Variants in MARCHF1 observed in about 807,000 individuals in gnomAD.
MARCHF1 encodes the protein membrane associated ring-CH-type finger 1, also known as E3 ubiquitin-protein ligase MARCHF1.
MARCHF1 carries 40 observed loss-of-function variants against 54.2 expected under a neutral mutation model. The observed-to-expected ratio is 0.74, with a 90% confidence interval of 0.57 to 0.96. The LOEUF is 0.96. Among genes scored for constraint, MARCHF1 ranks in the 40% least tolerant of loss-of-function variants. The pLI, the probability that MARCHF1 is intolerant of heterozygous loss-of-function variation, is 0.00. For synonymous variants in MARCHF1, 236 were observed against 236.3 expected (o/e 1.00, Z 0.01); for missense variants, 586 against 656.5 (o/e 0.89, Z 1.17).
At chr4:163,692,624 A>C in intron 5 of MARCHF1, among the ~76,000 whole-genome samples, 1 of 143,286 alleles carries the variant, frequency 7.0e-6, no homozygotes. Context: ...ATTTCAAGTA[A>C]TATAGAAAAC....
At chr4:163,774,891 A>G (rs1423334447) in intron 4 of MARCHF1, among the ~76,000 whole-genome samples, 1 of 152,138 alleles carries the variant, frequency 6.6e-6, no homozygotes, top group East Asian at 1.9e-4. Flanking sequence ...TTGAGACTTC[A>G]GTATGTTGGA....
At chr4:164,229,305 A>G (rs1010249031) in intron 1 of MARCHF1, among the ~76,000 whole-genome samples, 1 of 152,134 alleles carries the variant, frequency 6.6e-6, no homozygotes, top group East Asian at 1.9e-4. Flanking sequence ...GCAGCTTTGT[A>G]CCTTCCTTTG....
At chr4:164,184,048 A>G (rs753198046) in intron 1 of MARCHF1, among the ~76,000 whole-genome samples, 19 of 152,158 alleles carry the variant, frequency 1.2e-4, no homozygotes, top group Non-Finnish European at 2.4e-4. Flanking sequence ...TATGAAATCT[A>G]TAATTCCTTG....
intron 3 of MARCHF1, among the ~76,000 whole-genome samples, chr4:163,861,123 A>G (rs1051671738): frequency 3.3e-5 from 5 of 152,216 alleles, no homozygotes; most frequent in African/African-American, 1.2e-4. Context: ...GCTCTAAGAA[A>G]GTATCCACAA....
intron 1 of MARCHF1, among the ~76,000 whole-genome samples, chr4:164,378,998 C>G (rs1731282345): frequency 6.6e-6 from 1 of 152,320 alleles, no homozygotes; most frequent in South Asian, 2.1e-4. Flanking sequence ...CAGGCATGAG[C>G]CACTGCACCT....
intron 1 of MARCHF1, among the ~76,000 whole-genome samples, chr4:164,339,253 T>C (rs909211403): frequency 1.3e-5 from 2 of 152,060 alleles, no homozygotes; most frequent in African/African-American, 2.4e-5. Flanking sequence ...GAATATTCCA[T>C]CCAACAGCAG....
intron 4 of MARCHF1, among the ~76,000 whole-genome samples, chr4:163,734,401 C>T (rs1345067461): frequency 6.6e-6 from 1 of 152,070 alleles, no homozygotes; most frequent in African/African-American, 2.4e-5. Flanking sequence ...TTCTTTCTAA[C>T]AGCAAAATAC....
At chr4:164,149,527 G>A (rs1017552109) in intron 1 of MARCHF1, among the ~76,000 whole-genome samples, 12 of 152,094 alleles carry the variant, frequency 7.9e-5, no homozygotes, top group Admixed American at 5.9e-4. Flanking sequence ...CTCGAGAAAT[G>A]ACTGCTTTTC....
chr4:163,683,349 T>C (rs939354838), intron 5 of MARCHF1, among the ~76,000 whole-genome samples: 1 of 152,126 alleles, frequency 6.6e-6, no homozygotes, highest in Non-Finnish European at 1.5e-5. Flanking sequence ...ACATATTCAC[T>C]ATCACAAGAA....
intron 1 of MARCHF1, among the ~76,000 whole-genome samples, chr4:164,375,249 A>G (rs1731153554): frequency 6.6e-6 from 1 of 152,150 alleles, no homozygotes; most frequent in African/African-American, 2.4e-5. Context: ...AATCAAGTAA[A>G]ATTTTAATTG....
chr4:164,122,464 A>G (rs2110779907), intron 1 of MARCHF1, among the ~76,000 whole-genome samples: 1 of 152,190 alleles, frequency 6.6e-6, no homozygotes, highest in African/African-American at 2.4e-5. Flanking sequence ...GATAGTGCTG[A>G]TCAACTGGAA....
At chr4:164,142,823 A>C (rs1355034840) in intron 1 of MARCHF1, among the ~76,000 whole-genome samples, 1 of 152,182 alleles carries the variant, frequency 6.6e-6, no homozygotes, top group Non-Finnish European at 1.5e-5. Flanking sequence ...CTGGACGGAG[A>C]ATGACTTTGA....
At chr4:163,986,249 C>T (rs13109903) in intron 3 of MARCHF1, among the ~76,000 whole-genome samples, 6,338 of 28,876 alleles carry the variant, frequency 0.22, 502 homozygotes, top group South Asian at 0.37. Context: ...TTAACCTCTT[C>T]TTTTTTTTTT....
intron 4 of MARCHF1, among the ~76,000 whole-genome samples, chr4:163,819,283 C>G (rs1748627648): frequency 6.6e-6 from 1 of 152,092 alleles, no homozygotes; most frequent in Admixed American, 6.6e-5. Context: ...ATCAAGCTGA[C>G]TATCCATGGG....
At chr4:163,928,813 G>A (rs934854225) in intron 3 of MARCHF1, among the ~76,000 whole-genome samples, 10 of 151,378 alleles carry the variant, frequency 6.6e-5, no homozygotes, top group African/African-American at 2.4e-4. Context: ...CTTTTCACTG[G>A]GTTTTAAATT....
intron 8 of MARCHF1, 112 bp from the exon 9 acceptor site, chr4:163,545,855 A>G: frequency 1.2e-6 from 1 of 842,536 alleles, no homozygotes; most frequent in South Asian, 1.6e-5. Flanking sequence ...AATATCTGCA[A>G]TTTCAGATGA....
At chr4:163,626,495 T>C (rs1741875935) in intron 5 of MARCHF1, among the ~76,000 whole-genome samples, 1 of 152,246 alleles carries the variant, frequency 6.6e-6, no homozygotes, top group Non-Finnish European at 1.5e-5. Context: ...AACACATTAA[T>C]TATACTCTGT....
chr4:164,136,948 G>A (rs1284468868), intron 1 of MARCHF1, among the ~76,000 whole-genome samples: 1 of 152,160 alleles, frequency 6.6e-6, no homozygotes, highest in Non-Finnish European at 1.5e-5. Flanking sequence ...CAAAGCTTAG[G>A]AACACAGATG....
chr4:163,921,169 G>A (rs1450455115), intron 3 of MARCHF1, among the ~76,000 whole-genome samples: 1 of 152,120 alleles, frequency 6.6e-6, no homozygotes, highest in Non-Finnish European at 1.5e-5. Context: ...AAGAAGTAAA[G>A]ATAGCCTGAT....
Sources: allele counts gnomAD v4.1 joint callset (sites outside exome capture counted in the v4.1 genomes callset), GRCh38; gene constraint gnomAD v4.1.1; transcripts MANE v1.5; gene names NCBI Gene and HGNC (gene_info 2026-07-23, HGNC 2026-07-21).